PTPRF: variants seen among roughly 807,000 people sequenced by gnomAD.
The protein encoded by PTPRF is protein tyrosine phosphatase receptor type F.
A neutral mutation model predicts 201.8 loss-of-function variants in PTPRF; 59 were observed. The ratio of observed to expected loss-of-function variants is 0.29; its 90% confidence interval spans 0.24 to 0.36. The LOEUF is 0.36. PTPRF is among the 10% of genes least tolerant of loss of function. PTPRF has a pLI of 1.00. For synonymous variants in PTPRF, 1,088 were observed against 1,089.7 expected (o/e 1.00, Z 0.03); for missense variants, 2,132 against 2,690.5 (o/e 0.79, Z 4.59).
At chr1:43,576,682 A>T (rs1646951887) in intron 6 of PTPRF, among the ~76,000 whole-genome samples, 1 of 152,242 alleles carries the variant, frequency 6.6e-6, no homozygotes, top group Non-Finnish European at 1.5e-5. Context: ...TTTCCTCTTT[A>T]AATTGGGTCA....
intron 5 of PTPRF, 142 bp from the exon 6 acceptor site, chr1:43,569,448 A>G (rs1272871395): frequency 1.2e-6 from 1 of 802,920 alleles, no homozygotes; most frequent in Non-Finnish European, 1.9e-6. Context: ...AAATCGGGGT[A>G]TGCTTCATGC....
intron 19 of PTPRF, 49 bp from the exon 20 acceptor site, chr1:43,606,191 G>C (rs750199512): frequency 6.4e-7 from 1 of 1,565,466 alleles, no homozygotes; most frequent in South Asian, 1.2e-5. Flanking sequence ...CTCAGGGCTG[G>C]CCGGCATGCT....
intron 3 of PTPRF, among the ~76,000 whole-genome samples, chr1:43,545,997 G>T (rs548798713): frequency 6.6e-6 from 1 of 152,184 alleles, no homozygotes; most frequent in Non-Finnish European, 1.5e-5. Flanking sequence ...TGCAGGCTGA[G>T]GGGGAGGGGC....
At chr1:43,561,261 C>T (rs1466231801) in intron 5 of PTPRF, among the ~76,000 whole-genome samples, 1 of 152,142 alleles carries the variant, frequency 6.6e-6, no homozygotes, top group African/African-American at 2.4e-5. Context: ...AGGGAGCTTA[C>T]ATTTGCAAGA....
At chr1:43,576,024 C>A in intron 6 of PTPRF, 1 of 1,176,462 alleles carries the variant, frequency 8.5e-7, no homozygotes, top group East Asian at 5.4e-5. Context: ...CATCCCCATC[C>A]CAACCTCTTC....
intron 21 of PTPRF, 90 bp from the exon 22 acceptor site, chr1:43,609,293 C>A (rs988347623): frequency 2.0e-6 from 2 of 1,022,486 alleles, no homozygotes; most frequent in Admixed American, 1.9e-5. Flanking sequence ...GAGCCGTGGA[C>A]ATGGGGGCTC....
At chr1:43,614,696 C>G (rs968979516) in intron 23 of PTPRF, among the ~76,000 whole-genome samples, 2 of 152,046 alleles carry the variant, frequency 1.3e-5, no homozygotes, top group African/African-American at 4.8e-5. Flanking sequence ...ACTATAAATA[C>G]AAAAATTAGC....
intron 11 of PTPRF, among the ~76,000 whole-genome samples, chr1:43,592,849 TG>T (rs1383408892): frequency 6.6e-6 from 1 of 151,984 alleles, no homozygotes; most frequent in Non-Finnish European, 1.5e-5. Context: ...CTCCCGCCCA[TG>T]CCCCACACAC....
intron 6 of PTPRF, among the ~76,000 whole-genome samples, chr1:43,577,073 C>G (rs1646976547): frequency 6.6e-6 from 1 of 152,134 alleles, no homozygotes; most frequent in Non-Finnish European, 1.5e-5. Context: ...GCCCCCTGAC[C>G]ACTCTTAGGC....
intron 3 of PTPRF, among the ~76,000 whole-genome samples, chr1:43,549,718 G>C (rs1644899173): frequency 6.6e-6 from 1 of 152,002 alleles, no homozygotes; most frequent in African/African-American, 2.4e-5. Flanking sequence ...AGCCAGGCAT[G>C]GTGGTGTGCA....
chr1:43,522,108 C>A (rs1642972791), upstream of PTPRF, among the ~76,000 whole-genome samples: 1 of 152,206 alleles, frequency 6.6e-6, no homozygotes, highest in Admixed American at 6.5e-5. Flanking sequence ...TTGGCTTCTT[C>A]CCCTTCTCTG....
chr1:43,620,140 C>T lies in PTPRF; in HGVS notation c.5157C>T (p.Ser1719=). The T allele has an allele frequency of 2.5e-6, 4 of 1,614,114 alleles. No homozygotes were observed. In the South Asian group the frequency reaches 4.4e-5, roughly 18 times the overall value. ...YIATQGPLAE[S]TEDFWRMLWE... is the part of the protein sequence containing the mutation. ...CTACACAGGGGCCTCTGGCAGAGAG[C>T]ACCGAGGACTTCTGGCGCATGCTAT... is the stretch of plus-strand genomic sequence containing the variant. The change falls in exon 30 of 34, where the codon AGC becomes AGT. Residue 1719 remains serine (S), a synonymous_variant. Coordinates refer to ENST00000359947, the MANE Select transcript of PTPRF (RefSeq NM_002840.5).
intron 23 of PTPRF, among the ~76,000 whole-genome samples, chr1:43,616,106 G>A (rs972327972): frequency 6.6e-6 from 1 of 151,838 alleles, no homozygotes; most frequent in Non-Finnish European, 1.5e-5. Flanking sequence ...GGTGTGCTGC[G>A]GGGTCTCACG....
At chr1:43,580,275 A>G (rs1015694078) in intron 7 of PTPRF, among the ~76,000 whole-genome samples, 21 of 152,182 alleles carry the variant, frequency 1.4e-4, no homozygotes, top group African/African-American at 4.3e-4. Context: ...TACTCAGAGC[A>G]GAGAGAATTA....
At chr1:43,529,715 G>A (rs974719107), upstream of PTPRF, among the ~76,000 whole-genome samples, 1 of 152,128 alleles carries the variant, frequency 6.6e-6, no homozygotes, top group East Asian at 1.9e-4. Flanking sequence ...TTGCGTGGGG[G>A]CGGGGTCTGG....
chr1:43,607,234 G>A (rs998607632), intron 21 of PTPRF, among the ~76,000 whole-genome samples: 5 of 152,360 alleles, frequency 3.3e-5, no homozygotes, highest in Admixed American at 6.5e-5. Context: ...TCCCTGGCAC[G>A]TCTGTCTGTC....
intron 1 of PTPRF, among the ~76,000 whole-genome samples, chr1:43,536,470 C>G (rs1644013779): frequency 6.6e-6 from 1 of 152,224 alleles, no homozygotes; most frequent in Admixed American, 6.5e-5. Flanking sequence ...GGGCCTGTCT[C>G]AGTCTCCAAG....
chr1:43,606,792 G>C, intron 20 of PTPRF, 22 bp from the exon 21 acceptor site: 1 of 1,609,796 alleles, frequency 6.2e-7, no homozygotes, highest in Non-Finnish European at 8.5e-7. Flanking sequence ...CTCACAGCCT[G>C]CTGTTCTCCA....
intron 5 of PTPRF, among the ~76,000 whole-genome samples, chr1:43,562,007 G>A (rs558851980): frequency 6.6e-6 from 1 of 152,334 alleles, no homozygotes; most frequent in East Asian, 1.9e-4. Flanking sequence ...CTGGGAACAG[G>A]CTCACCAGGA....
Sources: allele counts gnomAD v4.1 joint callset (sites outside exome capture counted in the v4.1 genomes callset), GRCh38; gene constraint gnomAD v4.1.1; transcripts MANE v1.5; gene names NCBI Gene and HGNC (gene_info 2026-07-23, HGNC 2026-07-21).